Variants in KCNH7 observed in about 807,000 individuals in gnomAD.
The protein encoded by KCNH7 is voltage-gated inwardly rectifying potassium channel KCNH7.
Under a neutral mutation model 120.8 loss-of-function variants are expected in KCNH7, and 49 were observed. The ratio of observed to expected loss-of-function variants is 0.41; its 90% CI spans 0.32 to 0.51. KCNH7 has a LOEUF of 0.51. KCNH7 is among the 20% of genes least tolerant of loss of function. The pLI, the probability that KCNH7 is intolerant of heterozygous loss-of-function variation, is 0.38. For synonymous variants in KCNH7, 547 were observed against 516.1 expected (o/e 1.06, Z -0.81); for missense variants, 1,097 against 1,446.6 (o/e 0.76, Z 3.92).
intron 9 of KCNH7, among the ~76,000 whole-genome samples, chr2:162,403,933 A>G (rs1307965280): frequency 6.6e-6 from 1 of 151,960 alleles, no homozygotes; most frequent in Non-Finnish European, 1.5e-5. Flanking sequence ...AGTCTGAAAT[A>G]AGAGGTAGGC....
At chr2:162,745,856 G>T (rs1688297457) in intron 2 of KCNH7, among the ~76,000 whole-genome samples, 1 of 151,202 alleles carries the variant, frequency 6.6e-6, no homozygotes, top group Non-Finnish European at 1.5e-5. Flanking sequence ...TTTCCCAGTT[G>T]ATGTTTAGAT....
rs34786286 is a variant in KCNH7, at chr2:162,607,220, C to CA, written c.308-70141dup. Among the ~76,000 whole-genome samples, 672 of 111,932 alleles carry CA rather than the reference C, an allele frequency of 6.0e-3. 2 individuals are homozygous for CA. The highest frequency in any genetic ancestry group is 0.015 in the Middle Eastern group (3 of 206). The allele number at this position is 111,932 out of a possible 152,430, so 73.4% of individuals were successfully genotyped here. On this transcript the variant is annotated intron_variant, in intron 2 of 15. Coordinates refer to ENST00000332142, the MANE Select transcript of KCNH7 (RefSeq NM_033272.4). ...TGAAACCCCGTCTCTACTAAAAATA[C>CA]AAAAAAAAAAAAAAAAAAAAATAGC...
At chr2:162,381,560 G>C (rs1306903409) in intron 13 of KCNH7, among the ~76,000 whole-genome samples, 1 of 151,966 alleles carries the variant, frequency 6.6e-6, no homozygotes, top group Non-Finnish European at 1.5e-5. Context: ...GCCTCAGTAG[G>C]GTGAGGCTTG....
At chr2:162,410,077 T>A (rs930867836) in intron 9 of KCNH7, among the ~76,000 whole-genome samples, 1 of 151,800 alleles carries the variant, frequency 6.6e-6, no homozygotes, top group Non-Finnish European at 1.5e-5. Context: ...TTAGAAAAAA[T>A]TATTCTAAAA....
chr2:162,799,862 T>G (rs899703094), intron 2 of KCNH7, among the ~76,000 whole-genome samples: 4 of 151,826 alleles, frequency 2.6e-5, no homozygotes, highest in Non-Finnish European at 4.4e-5. Flanking sequence ...ACTTGTCTTT[T>G]CTGTATTTCT....
intron 6 of KCNH7, among the ~76,000 whole-genome samples, chr2:162,447,469 A>G (rs1688619840): frequency 6.6e-6 from 1 of 152,124 alleles, no homozygotes; most frequent in Non-Finnish European, 1.5e-5. Context: ...GGCTCCACAA[A>G]TGGCATAAAA....
Position 162,398,859 on chromosome 2 carries a change from A to T in KCNH7, c.2407+1330T>A, listed in dbSNP as rs76148966. Among the ~76,000 whole-genome samples, 1,246 of 152,018 alleles carry T rather than the reference A, an allele frequency of 8.2e-3. 7 individuals carry two copies. Among genetic ancestry groups the T allele is most frequent in the Non-Finnish European group, 0.013 (849 of 67,902 alleles). On this transcript the variant is annotated intron_variant, in intron 10 of 15. Coordinates refer to ENST00000332142, the MANE Select transcript of KCNH7 (RefSeq NM_033272.4). ...GTGTGGCCTTAAAATGATTTAGAAT[A>T]TGTGTTTATTCTTTGTCAGCTTATT...
Position 162,481,468 on chromosome 2 carries a change from G to C in KCNH7, c.1128+22975C>G, listed in dbSNP as rs113533620. ...TGATATTTTCTTATCTTCCCACTTG[G>C]AAGCTAATGGAATAAGAGAGTCTCA... On this transcript the variant is annotated intron_variant, in intron 6 of 15. Transcript: ENST00000332142. Among the ~76,000 whole-genome samples the C allele has an allele frequency of 3.2e-3, 487 of 152,240 alleles. 3 individuals are homozygous for C. Among genetic ancestry groups the C allele is most frequent in the African/African-American group, 0.011 (472 of 41,540 alleles).
At chr2:162,830,047 C>A (rs374334861) in intron 2 of KCNH7, among the ~76,000 whole-genome samples, 1 of 152,044 alleles carries the variant, frequency 6.6e-6, no homozygotes, top group Non-Finnish European at 1.5e-5. Context: ...TAACAAGGAG[C>A]ACTCTTCAGA....
chr2:162,788,128 G>T (rs1401619655), intron 2 of KCNH7, among the ~76,000 whole-genome samples: 1 of 152,078 alleles, frequency 6.6e-6, no homozygotes, highest in East Asian at 1.9e-4. Flanking sequence ...AGCATCCATA[G>T]CCTATCCTAA....
At chr2:162,410,745 C>G (rs114799607) in intron 9 of KCNH7, among the ~76,000 whole-genome samples, 1 of 151,676 alleles carries the variant, frequency 6.6e-6, no homozygotes, top group Non-Finnish European at 1.5e-5. Flanking sequence ...CTTAAGCAAA[C>G]CAACAAGCAA....
intron 8 of KCNH7, among the ~76,000 whole-genome samples, chr2:162,425,248 C>A (rs1271940312): frequency 4.6e-5 from 7 of 151,950 alleles, no homozygotes; most frequent in Admixed American, 4.6e-4. Context: ...CCAATTTCTT[C>A]GAATAAATCT....
At chr2:162,567,086 T>C (rs1364310106) in intron 2 of KCNH7, among the ~76,000 whole-genome samples, 1 of 151,948 alleles carries the variant, frequency 6.6e-6, no homozygotes, top group Non-Finnish European at 1.5e-5. Context: ...TAAGAAGATA[T>C]CATTGTTGAG....
At chr2:162,373,961 CAATT>C (rs1686063253) in intron 14 of KCNH7, among the ~76,000 whole-genome samples, 1 of 152,112 alleles carries the variant, frequency 6.6e-6, no homozygotes, top group Non-Finnish European at 1.5e-5. Context: ...AACACACTGA[CAATT>C]TATTTTTAAT....
rs1466136474 is a variant in KCNH7 at position 162,418,501 on chromosome 2, G to T, written c.2154+4835C>A. On this transcript the variant is annotated intron_variant, in intron 9 of 15. Transcript: ENST00000332142. ...TTTTTGATGGGGTATATTGTCACAAGAATTGTTTTCATCGGAGTTGCTGAA... is the reference window on the plus strand; with the variant it reads ...TTTTTGATGGGGTATATTGTCACAATAATTGTTTTCATCGGAGTTGCTGAA... 2.0e-5 allele frequency among the ~76,000 whole-genome samples: 3 copies of T among 152,158 alleles called. No individual in the cohort carries two copies. In the East Asian group the frequency reaches 5.8e-4, roughly 29 times the overall value.
chr2:162,685,793 G>T (rs1574265079), intron 2 of KCNH7, among the ~76,000 whole-genome samples: 1 of 151,800 alleles, frequency 6.6e-6, no homozygotes, highest in Admixed American at 6.6e-5. Context: ...AATGTGTCAG[G>T]TCCTGGCCTA....
chr2:162,587,519 A>AT (rs371650494), intron 2 of KCNH7, among the ~76,000 whole-genome samples: 1 of 151,594 alleles, frequency 6.6e-6, no homozygotes, highest in Non-Finnish European at 1.5e-5. Context: ...AGCATTTAGA[A>AT]TTTTTTTAAA....
intron 3 of KCNH7, chr2:162,528,396 A>G (rs1330274279): frequency 2.0e-5 from 3 of 152,112 alleles, no homozygotes; most frequent in African/African-American, 4.8e-5. Context: ...AGAGAAAGGT[A>G]TGAGGTATTA....
chr2:162,531,214 T>C (rs1407419407), intron 3 of KCNH7, among the ~76,000 whole-genome samples: 1 of 152,022 alleles, frequency 6.6e-6, no homozygotes, highest in Non-Finnish European at 1.5e-5. Context: ...TAAAGTTGCA[T>C]AAATTGTGTA....
Sources: allele counts gnomAD v4.1 joint callset (sites outside exome capture counted in the v4.1 genomes callset), GRCh38; gene constraint gnomAD v4.1.1; transcripts MANE v1.5; gene names NCBI Gene and HGNC (gene_info 2026-07-23, HGNC 2026-07-21).